The following ITPR2 variants were observed in gnomAD, a reference collection of about 807,000 sequenced individuals.
ITPR2 encodes inositol 1,4,5-trisphosphate receptor type 2.
In ITPR2, 207 loss-of-function variants were observed where a neutral mutation model predicts 317.1. The ratio of observed to expected loss-of-function variants is 0.65; its 90% CI spans 0.58 to 0.73. The LOEUF is 0.73. Ranked by LOEUF, ITPR2 falls within the 30% of genes least tolerant of loss-of-function variation. The pLI is 0.00. For synonymous variants in ITPR2, 1,156 were observed against 1,149.1 expected, an observed-to-expected ratio of 1.01 and a Z score of -0.12; for missense variants, 2,613 against 3,284.0, an observed-to-expected ratio of 0.80 and a Z score of 4.99.
chr12:26,750,434 C>T (rs1488017507), intron 2 of ITPR2, among the ~76,000 whole-genome samples: 1 of 152,154 alleles, frequency 6.6e-6, no homozygotes, highest in African/African-American at 2.4e-5. Flanking sequence ...AGCCAGAGAG[C>T]CATCTCTAAG....
chr12:26,616,001 G>C (rs1946364854), intron 26 of ITPR2, among the ~76,000 whole-genome samples: 1 of 151,928 alleles, frequency 6.6e-6, no homozygotes, highest in South Asian at 2.1e-4. Context: ...AGGTCAAAAA[G>C]CAAACCTCAA....
intron 2 of ITPR2, among the ~76,000 whole-genome samples, chr12:26,738,760 CTTTTT>C (rs1055388309): frequency 1.3e-5 from 2 of 152,078 alleles, no homozygotes; most frequent in African/African-American, 2.4e-5. Context: ...ATTCCCCAAA[CTTTTT>C]CTTTTCTTTC....
At chr12:26,692,184 G>A (rs552433621) in intron 10 of ITPR2, among the ~76,000 whole-genome samples, 7 of 152,248 alleles carry the variant, frequency 4.6e-5, no homozygotes, top group African/African-American at 1.2e-4. Context: ...CTGGTTCCTG[G>A]AACATTTCTG....
At chr12:26,824,087 T>C (rs1184853617) in intron 1 of ITPR2, among the ~76,000 whole-genome samples, 2 of 152,348 alleles carry the variant, frequency 1.3e-5, no homozygotes, top group Middle Eastern at 3.4e-3. Context: ...TTAATACACC[T>C]AACCTACCAA....
At chr12:26,345,369 T>C (rs931160755) in intron 55 of ITPR2, among the ~76,000 whole-genome samples, 1 of 152,174 alleles carries the variant, frequency 6.6e-6, no homozygotes, top group Non-Finnish European at 1.5e-5. Context: ...ATCCTAGATA[T>C]ACTACATTTT....
chr12:26,525,018 C>T (rs536086599), intron 37 of ITPR2, among the ~76,000 whole-genome samples: 1 of 152,250 alleles, frequency 6.6e-6, no homozygotes, highest in African/African-American at 2.4e-5. Context: ...CTGAGAAACA[C>T]TGAGTGGAAT....
chr12:26,754,044 C>G (rs879451739), intron 2 of ITPR2, among the ~76,000 whole-genome samples: 14 of 152,022 alleles, frequency 9.2e-5, no homozygotes, highest in African/African-American at 3.4e-4. Context: ...TATGAAAGAG[C>G]TTTGATTAAT....
intron 1 of ITPR2, among the ~76,000 whole-genome samples, chr12:26,830,832 T>C (rs898410505): frequency 6.6e-6 from 1 of 152,194 alleles, no homozygotes; most frequent in Non-Finnish European, 1.5e-5. Flanking sequence ...AGCTAACACA[T>C]CAGTGCTTAT....
intron 2 of ITPR2, among the ~76,000 whole-genome samples, chr12:26,749,104 G>A (rs1271776480): frequency 6.6e-6 from 1 of 152,180 alleles, no homozygotes; most frequent in African/African-American, 2.4e-5. Context: ...AAAGGTATTA[G>A]CTTGATTTCC....
At chr12:26,799,446 C>T (rs1042827652) in intron 1 of ITPR2, among the ~76,000 whole-genome samples, 2 of 152,140 alleles carry the variant, frequency 1.3e-5, no homozygotes, top group Non-Finnish European at 2.9e-5. Context: ...TAAAGCACTG[C>T]AAGAAGCCAT....
chr12:26,349,578 T>C (rs1360669752), intron 55 of ITPR2, among the ~76,000 whole-genome samples: 1 of 152,278 alleles, frequency 6.6e-6, no homozygotes, highest in Non-Finnish European at 1.5e-5. Flanking sequence ...TACTCACATA[T>C]TATAAATTTG....
intron 37 of ITPR2, among the ~76,000 whole-genome samples, chr12:26,527,687 C>T (rs970563911): frequency 7.9e-5 from 12 of 152,152 alleles, no homozygotes; most frequent in African/African-American, 2.9e-4. Flanking sequence ...TGTTATTCAT[C>T]AGATATGTTT....
intron 41 of ITPR2, 77 bp from the exon 42 acceptor site, chr12:26,483,975 G>A (rs1425357181): frequency 8.1e-7 from 1 of 1,237,444 alleles, no homozygotes; most frequent in Admixed American, 2.0e-5. Context: ...TCCCATATGT[G>A]TGCTTTTCTA....
intron 37 of ITPR2, 143 bp from the exon 38 acceptor site, chr12:26,495,403 GGC>G: frequency 1.8e-6 from 1 of 546,998 alleles, no homozygotes; most frequent in Non-Finnish European, 3.2e-6. Flanking sequence ...TATTTTCTGA[GGC>G]AAAAATTTAC....
chr12:26,466,893 T>G (rs1942182423), intron 45 of ITPR2, among the ~76,000 whole-genome samples: 1 of 152,196 alleles, frequency 6.6e-6, no homozygotes, highest in Non-Finnish European at 1.5e-5. Context: ...TTCTACGTTC[T>G]GCACTACAAG....
chr12:26,670,273 T>G (rs577690096), intron 13 of ITPR2, among the ~76,000 whole-genome samples: 1 of 152,160 alleles, frequency 6.6e-6, no homozygotes, highest in Non-Finnish European at 1.5e-5. Context: ...CCCTGACCCC[T>G]GAGCAGCCTA....
At chr12:26,757,166 G>A (rs1177203177) in intron 2 of ITPR2, among the ~76,000 whole-genome samples, 1 of 151,720 alleles carries the variant, frequency 6.6e-6, no homozygotes, top group Non-Finnish European at 1.5e-5. Flanking sequence ...GCAAGCAACA[G>A]CCCACAGGGC....
At chr12:26,625,116 T>C (rs1403539896) in intron 23 of ITPR2, among the ~76,000 whole-genome samples, 1 of 152,082 alleles carries the variant, frequency 6.6e-6, no homozygotes, top group Admixed American at 6.6e-5. Context: ...ATGTTCTCAC[T>C]CATTTGTGGA....
chr12:26,713,367 C>G (rs1948683731), intron 8 of ITPR2, among the ~76,000 whole-genome samples: 1 of 152,082 alleles, frequency 6.6e-6, no homozygotes, highest in South Asian at 2.1e-4. Flanking sequence ...AGAGAAAAGT[C>G]CCTCAAATCT....
Sources: gnomAD v4.1 joint callset for allele counts (sites outside exome capture counted in the v4.1 genomes callset) on GRCh38, gnomAD v4.1.1 for gene constraint, MANE v1.5 for transcripts, NCBI Gene and HGNC (gene_info 2026-07-23, HGNC 2026-07-21) for gene names.